The following RBFOX3 variants were observed in gnomAD, a reference collection of about 807,000 sequenced individuals.
The protein encoded by RBFOX3 is RNA binding fox-1 homolog 3, also known as RNA binding protein fox-1 homolog 3.
RBFOX3 carries 17 observed loss-of-function variants against 48.7 expected under a neutral mutation model. The ratio of observed to expected loss-of-function variants is 0.35; its 90% CI spans 0.24 to 0.52. The LOEUF (loss-of-function observed/expected upper bound fraction) is 0.52, where lower values mean the gene tolerates loss of function less well. Ranked by LOEUF, RBFOX3 falls within the 20% of genes least tolerant of loss-of-function variation. RBFOX3 has a pLI of 0.94. For synonymous variants in RBFOX3, 212 were observed against 209.5 expected (o/e 1.01, Z -0.10); for missense variants, 382 against 497.5 (o/e 0.77, Z 2.21).
intron 14 of RBFOX3, among the ~76,000 whole-genome samples, chr17:79,092,904 T>C (rs2074244314): frequency 6.6e-6 from 1 of 152,090 alleles, no homozygotes; most frequent in South Asian, 2.1e-4. Flanking sequence ...GCTTGAGTTA[T>C]GTCTGGGTCA....
At position 79,305,524 on chromosome 17, in the gene RBFOX3, T is replaced by A. The variant is rs368953306; in HGVS notation, c.-74+2200A>T. Among the ~76,000 whole-genome samples, 28 of 152,260 alleles carry A rather than the reference T, an allele frequency of 1.8e-4. 1 individual carries two copies. The highest frequency in any genetic ancestry group is 4.6e-4 in the African/African-American group (19 of 41,562). On this transcript the variant is annotated intron_variant, in intron 3 of 14. Coordinates refer to ENST00000693108, the MANE Select transcript of RBFOX3 (RefSeq NM_001350451.2). Reference sequence around the variant, plus strand: ...GAGCCCTGCCCCCTTGTCCGCCTCCTCTGGACAGACCGACATGAAATGGGC... The same window carrying A: ...GAGCCCTGCCCCCTTGTCCGCCTCCACTGGACAGACCGACATGAAATGGGC...
At chr17:79,108,071 AAT>A (rs1295631418) in intron 5 of RBFOX3, among the ~76,000 whole-genome samples, 2 of 152,166 alleles carry the variant, frequency 1.3e-5, no homozygotes, top group African/African-American at 4.8e-5. Flanking sequence ...TCATCTCCCA[AAT>A]ACACCCTGTG....
At chr17:79,555,634 A>G (rs2091658456) in intron 1 of RBFOX3, among the ~76,000 whole-genome samples, 2 of 150,572 alleles carry the variant, frequency 1.3e-5, no homozygotes, top group African/African-American at 2.5e-5. Flanking sequence ...AATGGTGATT[A>G]TGTCAGTGAT....
intron 2 of RBFOX3, among the ~76,000 whole-genome samples, chr17:79,389,099 C>CG (rs148613149): frequency 0.12 from 17,917 of 152,022 alleles, 1,708 homozygotes; most frequent in African/African-American, 0.27. Context: ...GCGGTGGGCG[C>CG]GGGGGGGCGG....
chr17:79,101,736 C>G, intron 8 of RBFOX3, 92 bp from the exon 9 acceptor site: 3 of 1,103,410 alleles, frequency 2.7e-6, no homozygotes, highest in Non-Finnish European at 4.0e-6. Flanking sequence ...TCCGTTAGCC[C>G]CCGGCACCCC....
chr17:79,271,138 C>T (rs1975870), intron 3 of RBFOX3, among the ~76,000 whole-genome samples: 91,095 of 151,202 alleles, frequency 0.6, 28,200 homozygotes, highest in East Asian at 0.8. Flanking sequence ...CGCAATGGTG[C>T]GATCTCGGCT....
intron 1 of RBFOX3, among the ~76,000 whole-genome samples, chr17:79,493,158 G>A (rs1184869185): frequency 1.3e-5 from 2 of 151,986 alleles, no homozygotes; most frequent in Non-Finnish European, 2.9e-5. Context: ...ACGGCAAGAG[G>A]GGAGATGAGG....
intron 4 of RBFOX3, among the ~76,000 whole-genome samples, chr17:79,217,341 A>G (rs966699577): frequency 2.0e-5 from 3 of 152,210 alleles, no homozygotes; most frequent in East Asian, 1.9e-4. Context: ...AGGAGGCTGC[A>G]CAAGAGTGGG....
At chr17:79,552,328 A>C (rs2091232407) in intron 1 of RBFOX3, among the ~76,000 whole-genome samples, 2 of 152,346 alleles carry the variant, frequency 1.3e-5, no homozygotes, top group African/African-American at 4.8e-5. Flanking sequence ...ACACATGAAA[A>C]GTTAAACAAT....
rs924139899 is a variant in RBFOX3 at position 79,199,827 on chromosome 17, C to T, written c.-34+35939G>A. ...GGAGAGTGTCTATTCTACAGTACCG[C>T]TCTAAAGCTTCCCACATCTCAGTTT... On this transcript the variant is annotated intron_variant, in intron 4 of 14. Coordinates refer to ENST00000693108, the MANE Select transcript of RBFOX3 (RefSeq NM_001350451.2). The surrounding 1 kb of genome is among the most constrained non-coding windows in gnomAD (Gnocchi z 5.1). Among the ~76,000 whole-genome samples the T allele has an allele frequency of 6.6e-6, 1 of 152,166 alleles. No individual in the cohort carries two copies. The highest frequency in any genetic ancestry group is 2.4e-5 in the African/African-American group (1 of 41,436).
Position 79,103,672 on chromosome 17 carries a change from G to A in RBFOX3, c.414+401C>T, listed in dbSNP as rs2076856620. Reference sequence around the variant, plus strand: ...CCCATCTCCACCCTCGGAGCCCAGGGTAGAGGGTCGTGCCTTCCTGGAAGG... The same window carrying A: ...CCCATCTCCACCCTCGGAGCCCAGGATAGAGGGTCGTGCCTTCCTGGAAGG... On this transcript the variant is annotated intron_variant, in intron 7 of 14. Coordinates refer to ENST00000693108, the MANE Select transcript of RBFOX3 (RefSeq NM_001350451.2). This position sits in a 1 kb window ranked among gnomAD's most constrained non-coding sequence, Gnocchi z 6.1. Among the ~76,000 whole-genome samples, 1 of 152,134 alleles carries A rather than the reference G, an allele frequency of 6.6e-6. No individual in the cohort carries two copies. The highest frequency in any genetic ancestry group is 2.1e-4 in the South Asian group (1 of 4,828).
chr17:79,581,808 T>C (rs1200930791), intron 1 of RBFOX3, among the ~76,000 whole-genome samples: 1 of 152,214 alleles, frequency 6.6e-6, no homozygotes, highest in African/African-American at 2.4e-5. Context: ...TTGGCATGGT[T>C]TTCATAGACA....
chr17:79,532,373 T>C (rs1014814168), intron 1 of RBFOX3, among the ~76,000 whole-genome samples: 5 of 152,040 alleles, frequency 3.3e-5, no homozygotes, highest in African/African-American at 1.2e-4. Context: ...GTGAGCCCAT[T>C]TGCACTGCAG....
At chr17:79,583,920 G>A (rs1274145523) in intron 1 of RBFOX3, among the ~76,000 whole-genome samples, 6 of 152,126 alleles carry the variant, frequency 3.9e-5, no homozygotes, top group Admixed American at 1.3e-4. Context: ...AGGTGTGGGG[G>A]TGCCTAGAAA....
chr17:79,211,467 A>T (rs1259768602), intron 4 of RBFOX3, among the ~76,000 whole-genome samples: 1 of 152,228 alleles, frequency 6.6e-6, no homozygotes, highest in Admixed American at 6.5e-5. Context: ...TTTTGAGATC[A>T]TCGTATGCTG....
At chr17:79,289,058 A>G (rs1411334902) in intron 3 of RBFOX3, among the ~76,000 whole-genome samples, 1 of 152,040 alleles carries the variant, frequency 6.6e-6, no homozygotes, top group Non-Finnish European at 1.5e-5. Context: ...TCCTCCTGTC[A>G]TTATCACATT....
At position 79,471,172 on chromosome 17, in the gene RBFOX3, G is replaced by A. The variant is rs1484756558; in HGVS notation, c.-175+11282C>T. On this transcript the variant is annotated intron_variant, in intron 2 of 14. Coordinates refer to ENST00000693108, the MANE Select transcript of RBFOX3 (RefSeq NM_001350451.2). The surrounding 1 kb of genome is among the most constrained non-coding windows in gnomAD (Gnocchi z 4.0). ...AATGGAGGTGAGTCCTGGGTCCCCA[G>A]CACCCCTCCTGCTGGAAGAGGCCAG... Among the ~76,000 whole-genome samples, 1 of 152,160 alleles carries A rather than the reference G, an allele frequency of 6.6e-6. No individual in the cohort carries two copies. Among genetic ancestry groups the A allele is most frequent in the African/African-American group, 2.4e-5 (1 of 41,428 alleles).
In RBFOX3 at chr17:79,582,259, T is replaced by C. The variant is rs935025786; in HGVS notation, c.-320+28567A>G. ...GTGCCTGCCCATGTATGTGCCTGTG[T>C]ATGCATGCATGTGCCTGTGTGTGCA... On this transcript the variant is annotated intron_variant, in intron 1 of 14. Coordinates refer to ENST00000693108, the MANE Select transcript of RBFOX3 (RefSeq NM_001350451.2). Among the ~76,000 whole-genome samples the C allele has an allele frequency of 1.9e-3, 284 of 151,696 alleles. 1 individual carries two copies. Among genetic ancestry groups the C allele is most frequent in the African/African-American group, 6.3e-3 (259 of 41,162 alleles).
intron 2 of RBFOX3, among the ~76,000 whole-genome samples, chr17:79,393,961 C>G (rs2061676849): frequency 6.7e-6 from 1 of 150,352 alleles, no homozygotes. Flanking sequence ...AGCCGGTCAC[C>G]ACGCACATCG....
Sources: gnomAD v4.1 joint callset for allele counts (sites outside exome capture counted in the v4.1 genomes callset) on GRCh38, gnomAD v4.1.1 for gene constraint, Gnocchi (gnomAD v3.1) non-coding constraint, MANE v1.5 for transcripts, NCBI Gene and HGNC (gene_info 2026-07-23, HGNC 2026-07-21) for gene names.